Variants in GALNT9 observed in about 807,000 individuals in gnomAD.
GALNT9 encodes GalNAc transferase 9.
In GALNT9, 47 loss-of-function variants were observed where a neutral mutation model predicts 63.1. That is an observed-to-expected ratio of 0.75 (90% CI 0.59 to 0.95). The LOEUF is 0.95. Ranked by LOEUF, GALNT9 falls within the 40% of genes least tolerant of loss-of-function variation. The probability of loss-of-function intolerance (pLI) is 0.00; values close to 1 mark genes in which losing one functional copy is unlikely to be tolerated. For synonymous variants in GALNT9, 396 were observed against 365.7 expected, an observed-to-expected ratio of 1.08 and a Z score of -0.94; for missense variants, 829 against 874.8, an observed-to-expected ratio of 0.95 and a Z score of 0.66.
At chr12:132,199,597 C>T (rs1318454752) in intron 8 of GALNT9, among the ~76,000 whole-genome samples, 1 of 152,154 alleles carries the variant, frequency 6.6e-6, no homozygotes, top group East Asian at 1.9e-4. Context: ...TTGCGGCTCC[C>T]ACTGAGTGGG....
chr12:132,259,476 C>T (rs1194034177), intron 4 of GALNT9, among the ~76,000 whole-genome samples: 1 of 152,120 alleles, frequency 6.6e-6, no homozygotes, highest in Non-Finnish European at 1.5e-5. Context: ...AAGCGCCCTG[C>T]GGAGGAGCGA....
In GALNT9 at chr12:132,286,608, C is replaced by T. The variant is rs188576382; in HGVS notation, c.239-178G>A. 8.5e-5 allele frequency: 96 copies of T among 1,127,914 alleles called. No homozygotes were observed. Among genetic ancestry groups the T allele is most frequent in the African/African-American group, 6.7e-4 (43 of 63,798 alleles). 69.9% of individuals were successfully genotyped at this position (1,127,914 alleles called of 1,614,324 possible). On this transcript the variant is annotated intron_variant, in intron 1 of 10. Transcript: ENST00000328957. This position sits in a 1 kb window ranked among gnomAD's most constrained non-coding sequence, Gnocchi z 7.4. ...ATTCCAGAAAGTGCAAGGCTGTGCGCGGAGTGAGAGGGCGGTGCCAGGCGG... is the reference window on the plus strand; with the variant it reads ...ATTCCAGAAAGTGCAAGGCTGTGCGTGGAGTGAGAGGGCGGTGCCAGGCGG...
At position 132,203,622 on chromosome 12, in the gene GALNT9, C is replaced by G. The variant is rs117160424; in HGVS notation, c.1146G>C (p.Arg382Ser). 2 of 1,613,898 alleles carry G rather than the reference C, an allele frequency of 1.2e-6. No individual in the cohort carries two copies. The highest frequency in any genetic ancestry group is 1.7e-6 in the Non-Finnish European group (2 of 1,179,824). ...CSRVAHIERT[R>S]KPYNNDIDYY... ...AGTCAATGTCGTTGTTGTAGGGCTTCCTGGTGCGCTCGATGTGGGCCACGC... is the reference window on the plus strand; with the variant it reads ...AGTCAATGTCGTTGTTGTAGGGCTTGCTGGTGCGCTCGATGTGGGCCACGC... Residue 382 changes from arginine to serine, a missense_variant, in exon 7 of 11, where the codon AGG becomes AGC. Coordinates refer to ENST00000328957, the MANE Select transcript of GALNT9 (RefSeq NM_001122636.2).
At chr12:132,313,345 C>T (rs1411893896) in intron 1 of GALNT9, among the ~76,000 whole-genome samples, 1 of 150,388 alleles carries the variant, frequency 6.6e-6, no homozygotes, top group Admixed American at 6.6e-5. Flanking sequence ...ACTCACCCAT[C>T]CATCTCTCCA....
At chr12:132,255,612 T>A (rs1037547647) in intron 5 of GALNT9, among the ~76,000 whole-genome samples, 11 of 152,240 alleles carry the variant, frequency 7.2e-5, no homozygotes, top group Non-Finnish European at 1.5e-4. Flanking sequence ...GGTCTTTAGA[T>A]AATAACTTAA....
At chr12:132,251,642 CA>C (rs1173306722) in intron 5 of GALNT9, among the ~76,000 whole-genome samples, 1 of 152,180 alleles carries the variant, frequency 6.6e-6, no homozygotes, top group African/African-American at 2.4e-5. Context: ...AGGAGAAAAT[CA>C]GGGGTCTCCT....
At chr12:132,309,332 C>A (rs1279966933) in intron 1 of GALNT9, among the ~76,000 whole-genome samples, 1 of 152,182 alleles carries the variant, frequency 6.6e-6, no homozygotes, top group Non-Finnish European at 1.5e-5. Context: ...TGCCCGTGGA[C>A]CTCACGCAGC....
At chr12:132,228,583 G>A (rs1468352470) in intron 6 of GALNT9, among the ~76,000 whole-genome samples, 1 of 151,824 alleles carries the variant, frequency 6.6e-6, no homozygotes, top group Admixed American at 6.6e-5. Context: ...CACCCCCTTG[G>A]AGAATTGCAA....
chr12:132,323,215 T>C (rs1868881461), intron 1 of GALNT9, among the ~76,000 whole-genome samples: 2 of 139,222 alleles, frequency 1.4e-5, no homozygotes, highest in African/African-American at 6.3e-5. Flanking sequence ...CAGAAAATAG[T>C]TCCAAGACTC....
chr12:132,268,876 A>T (rs1174561461), intron 2 of GALNT9, among the ~76,000 whole-genome samples: 1 of 152,186 alleles, frequency 6.6e-6, no homozygotes, highest in Non-Finnish European at 1.5e-5. Context: ...CGACGTACAA[A>T]AGCGGCGCCG....
chr12:132,272,818 C>G (rs544237184), intron 2 of GALNT9: 1 of 152,270 alleles, frequency 6.6e-6, no homozygotes, highest in African/African-American at 2.4e-5. Flanking sequence ...ATCACCCCGG[C>G]GTCCACCCTC....
chr12:132,202,940 C>CAGGAAACA (rs1189543598), intron 7 of GALNT9, among the ~76,000 whole-genome samples: 3 of 152,200 alleles, frequency 2.0e-5, no homozygotes, highest in Admixed American at 1.3e-4. Context: ...CAAAGCCCAA[C>CAGGAAACA]AGGAAACAAC....
intron 6 of GALNT9, among the ~76,000 whole-genome samples, chr12:132,216,824 A>G (rs1262455219): frequency 6.6e-6 from 1 of 152,222 alleles, no homozygotes; most frequent in African/African-American, 2.4e-5. Context: ...GCAGCCTGTG[A>G]GGCGGCGTTT....
Position 132,304,814 on chromosome 12 carries a change from C to G in GALNT9, c.239-18384G>C, listed in dbSNP as rs370814083. 1.1e-3 allele frequency among the ~76,000 whole-genome samples: 27 copies of G among 24,110 alleles called. 1 individual carries two copies. Among genetic ancestry groups the G allele is most frequent in the Middle Eastern group, 0.031 (1 of 32 alleles). 15.8% of individuals were successfully genotyped at this position (24,110 alleles called of 152,430 possible). ...CCAGACACACCCTCACCTGGGCACA[C>G]CCTCGCCCGGGCACACCCTCGCCCG... On this transcript the variant is annotated intron_variant, in intron 1 of 10. Coordinates refer to ENST00000328957, the MANE Select transcript of GALNT9 (RefSeq NM_001122636.2).
rs763208947 is a variant in GALNT9 at position 132,197,859 on chromosome 12, C to T, written c.1598G>A (p.Arg533His). ...CTCACACTTCTTCAGGGTGGGCATGCGGCCCGTGCCGTCATCCACCAGACA... is the reference window on the plus strand; with the variant it reads ...CTCACACTTCTTCAGGGTGGGCATGTGGCCCGTGCCGTCATCCACCAGACA... ...SKCLVDDGTG[R>H]MPTLKKCEDV... Residue 533 changes from arginine to histidine, a missense_variant, in exon 10 of 11, where the codon CGC becomes CAC. Arg to His is a conservative substitution (Grantham distance 29). Transcript: ENST00000328957. The T allele has an allele frequency of 1.1e-5, 18 of 1,607,730 alleles. 1 individual carries two copies. Among genetic ancestry groups the T allele is most frequent in the East Asian group, 4.5e-5 (2 of 44,696 alleles).
intron 1 of GALNT9, among the ~76,000 whole-genome samples, chr12:132,312,955 T>C (rs1173871840): frequency 6.6e-6 from 1 of 152,114 alleles, no homozygotes; most frequent in Non-Finnish European, 1.5e-5. Context: ...TCGTCTTCTC[T>C]CGTAGTCCAG....
intron 10 of GALNT9, 57 bp downstream of exon 10, chr12:132,197,735 G>A: frequency 7.6e-7 from 1 of 1,310,498 alleles, no homozygotes; most frequent in East Asian, 2.5e-5. Context: ...GGCACCCAGG[G>A]GTCCCAGCAG....
chr12:132,225,548 C>T (rs2135522993), intron 6 of GALNT9, among the ~76,000 whole-genome samples: 1 of 149,362 alleles, frequency 6.7e-6, no homozygotes, highest in South Asian at 2.1e-4. Context: ...CAACACACAC[C>T]CCACACTGTA....
At chr12:132,214,390 A>G (rs997380378) in intron 6 of GALNT9, among the ~76,000 whole-genome samples, 2 of 152,196 alleles carry the variant, frequency 1.3e-5, no homozygotes, top group African/African-American at 4.8e-5. Context: ...CACTAGCCCG[A>G]GAGGCCTGCC....
Sources: allele counts gnomAD v4.1 joint callset (sites outside exome capture counted in the v4.1 genomes callset), GRCh38; gene constraint gnomAD v4.1.1; non-coding constraint Gnocchi (gnomAD v3.1); transcripts MANE v1.5; gene names NCBI Gene and HGNC (gene_info 2026-07-23, HGNC 2026-07-21).